Variants in EMID1 observed in about 807,000 individuals in gnomAD.
EMID1 encodes EMI domain-containing protein 1.
Under a neutral mutation model 60.6 loss-of-function variants are expected in EMID1, and 40 were observed. That is an observed-to-expected ratio of 0.66 (90% CI 0.51 to 0.86). The LOEUF (loss-of-function observed/expected upper bound fraction) is 0.86. EMID1 is among the 40% of genes least tolerant of loss of function. The pLI, the probability that EMID1 is intolerant of heterozygous loss-of-function variation, is 0.00. For synonymous variants in EMID1, 242 were observed against 231.0 expected, an observed-to-expected ratio of 1.05 and a Z score of -0.43; for missense variants, 585 against 597.1, an observed-to-expected ratio of 0.98 and a Z score of 0.21.
rs1335892828 is a variant in EMID1 at position 29,206,009 on chromosome 22, G to A, written c.-30G>A. On this transcript the variant is annotated 5_prime_UTR_variant, in exon 1 of 15. Transcript: ENST00000334018. ...ACAGGCTGGGGGCGGCGACCGCGAG[G>A]GGCCGCGCGCGGAGGGCGCCTGGTG... is the stretch of plus-strand genomic sequence containing the variant. 1 of 1,198,884 alleles carries A rather than the reference G, an allele frequency of 8.3e-7. No homozygotes were observed. Among genetic ancestry groups the A allele is most frequent in the Non-Finnish European group, 1.0e-6 (1 of 965,790 alleles). The allele number at this position is 1,198,884 out of a possible 1,614,324, so 74.3% of individuals were successfully genotyped here.
chr22:29,231,358 G>A (rs1415347787), intron 6 of EMID1: 1 of 846,098 alleles, frequency 1.2e-6, no homozygotes, highest in East Asian at 2.7e-5. Flanking sequence ...AGCAGACCCT[G>A]CCTGGAGGTC....
chr22:29,232,011 G>A (rs773268280), intron 7 of EMID1: 12 of 595,544 alleles, frequency 2.0e-5, no homozygotes, highest in Non-Finnish European at 3.3e-5. Context: ...TGCCCCATGT[G>A]ACCAGGGTTT....
chr22:29,213,920 T>C (rs1430346754), intron 1 of EMID1, among the ~76,000 whole-genome samples: 2 of 152,160 alleles, frequency 1.3e-5, no homozygotes, highest in African/African-American at 4.8e-5. Context: ...CAAATCTGGC[T>C]TCTCCACGCA....
chr22:29,259,068 G>A lies in EMID1; in HGVS notation c.*124G>A. 2 of 1,425,682 alleles carry A rather than the reference G, an allele frequency of 1.4e-6. No individual in the cohort carries two copies. Among genetic ancestry groups the A allele is most frequent in the Non-Finnish European group, 1.9e-6 (2 of 1,063,766 alleles). 88.3% of individuals were successfully genotyped at this position (1,425,682 alleles called of 1,614,324 possible). ...TCCTCAGGGTCCCTTCTGCCATCTA[G>A]GCCTTAGGGGTAAGCAGGTCTCAGT... On this transcript the variant is annotated 3_prime_UTR_variant, in exon 15 of 15. Transcript: ENST00000334018.
At chr22:29,249,474 T>C (rs2041442634) in intron 13 of EMID1, among the ~76,000 whole-genome samples, 1 of 152,152 alleles carries the variant, frequency 6.6e-6, no homozygotes, top group Non-Finnish European at 1.5e-5. Flanking sequence ...GGTTTCACCA[T>C]GTTGGCCAGG....
At chr22:29,216,907 C>A (rs2040108144) in intron 3 of EMID1, among the ~76,000 whole-genome samples, 1 of 152,232 alleles carries the variant, frequency 6.6e-6, no homozygotes, top group African/African-American at 2.4e-5. Context: ...GAGGCAGCCA[C>A]AAGGGCCAGT....
chr22:29,232,103 A>G (rs1347216516), intron 7 of EMID1, 153 bp from the exon 8 acceptor site: 2 of 774,086 alleles, frequency 2.6e-6, no homozygotes, highest in South Asian at 1.7e-5. Context: ...TGCTGTGCTC[A>G]TCCCCCTGTT....
chr22:29,232,383 T>C lies in EMID1; in HGVS notation c.804T>C (p.His268=), dbSNP rs763032422. ...PGPPAPVGPP[H]ARISQHGDPL... is the part of the protein sequence containing the mutation. ...CCCCAGCCCCTGTTGGGCCACCCCA[T>C]GCCCGGATCTCCCAGCATGGTGAGT... The change falls in exon 8 of 15, where the codon CAT becomes CAC. Residue 268 remains histidine (H), a synonymous_variant. Coordinates refer to ENST00000334018, the MANE Select transcript of EMID1 (RefSeq NM_133455.4). 1 of 1,588,714 alleles carries C rather than the reference T, an allele frequency of 6.3e-7. No individual in the cohort carries two copies. The highest frequency in any genetic ancestry group is 1.1e-5 in the South Asian group (1 of 88,404).
intron 13 of EMID1, among the ~76,000 whole-genome samples, chr22:29,252,957 C>T (rs5997459): frequency 0.012 from 1,759 of 152,274 alleles, 30 homozygotes; most frequent in African/African-American, 0.04. Flanking sequence ...GAATTTTAAG[C>T]GCAAGTTCTC....
chr22:29,210,317 G>A (rs947121337), intron 1 of EMID1, among the ~76,000 whole-genome samples: 20 of 149,600 alleles, frequency 1.3e-4, no homozygotes, highest in African/African-American at 4.2e-4. Flanking sequence ...GCAATGGCGC[G>A]ATCTTGGCTC....
At chr22:29,247,433 T>C (rs1478572404) in intron 13 of EMID1, among the ~76,000 whole-genome samples, 2 of 152,188 alleles carry the variant, frequency 1.3e-5, no homozygotes, top group Non-Finnish European at 2.9e-5. Flanking sequence ...CATCATACAG[T>C]GTACATACAC....
At chr22:29,236,787 C>CT (rs374502076) in intron 12 of EMID1, among the ~76,000 whole-genome samples, 12 of 151,176 alleles carry the variant, frequency 7.9e-5, no homozygotes, top group Admixed American at 7.9e-4. Flanking sequence ...TATTTTCTTT[C>CT]TTTTTTTTCT....
chr22:29,252,443 T>A (rs938671505), intron 13 of EMID1, among the ~76,000 whole-genome samples: 2 of 152,262 alleles, frequency 1.3e-5, no homozygotes, highest in African/African-American at 4.8e-5. Context: ...AAGAGAGATT[T>A]CCAGATGTTG....
intron 13 of EMID1, 156 bp from the exon 14 acceptor site, chr22:29,254,047 A>C (rs2041617593): frequency 1.0e-6 from 1 of 985,182 alleles, no homozygotes; most frequent in Non-Finnish European, 1.2e-6. Flanking sequence ...TCCTGTCCTC[A>C]CCTGGTCTTG....
intron 13 of EMID1, among the ~76,000 whole-genome samples, chr22:29,253,310 C>T (rs761025819): frequency 9.2e-5 from 14 of 152,134 alleles, no homozygotes; most frequent in Admixed American, 5.2e-4. Context: ...TGGCTGGGCG[C>T]GGTGGCTTAC....
chr22:29,207,041 G>A (rs2039691710), intron 1 of EMID1, among the ~76,000 whole-genome samples: 1 of 152,218 alleles, frequency 6.6e-6, no homozygotes, highest in South Asian at 2.1e-4. Flanking sequence ...GGAGTAGCCA[G>A]GCCTCTCCAG....
chr22:29,231,192 C>A, intron 6 of EMID1, 52 bp downstream of exon 6: 2 of 1,537,616 alleles, frequency 1.3e-6, no homozygotes, highest in Non-Finnish European at 1.7e-6. Flanking sequence ...GGTTGGGAAT[C>A]GGGGAAGTGG....
chr22:29,258,201 A>C (rs562550179), intron 14 of EMID1, among the ~76,000 whole-genome samples: 1 of 152,120 alleles, frequency 6.6e-6, no homozygotes, highest in Non-Finnish European at 1.5e-5. Context: ...TTACTTTGGG[A>C]AGGGCTGAGA....
At chr22:29,219,101 G>C (rs1319871716) in intron 3 of EMID1, among the ~76,000 whole-genome samples, 1 of 152,212 alleles carries the variant, frequency 6.6e-6, no homozygotes, top group Admixed American at 6.5e-5. Flanking sequence ...GCTCAGAGAG[G>C]GGAATGCCTT....
Sources: gnomAD v4.1 joint callset for allele counts (sites outside exome capture counted in the v4.1 genomes callset) on GRCh38, gnomAD v4.1.1 for gene constraint, MANE v1.5 for transcripts, NCBI Gene and HGNC (gene_info 2026-07-23, HGNC 2026-07-21) for gene names.